The following TENM3 variants were observed in gnomAD, a reference collection of about 807,000 sequenced individuals.
TENM3 encodes the protein teneurin transmembrane protein 3, also known as teneurin-3.
A neutral mutation model predicts 255.1 loss-of-function variants in TENM3; 63 were observed. The observed-to-expected ratio is 0.25, with a 90% CI of 0.20 to 0.30. TENM3 has a LOEUF of 0.30. Among genes scored for constraint, TENM3 ranks in the 10% least tolerant of loss-of-function variants. TENM3 has a pLI of 1.00. For synonymous variants in TENM3, 1,306 were observed against 1,322.3 expected (o/e 0.99, Z 0.27); for missense variants, 2,929 against 3,461.1 (o/e 0.85, Z 3.86).
At chr4:182,693,965 C>A (rs1006464835) in intron 12 of TENM3, among the ~76,000 whole-genome samples, 1 of 152,096 alleles carries the variant, frequency 6.6e-6, no homozygotes, top group Admixed American at 6.5e-5. Context: ...AACTCCTGTC[C>A]AGGACATTTA....
At chr4:181,830,515 C>T in the TENM3 span, among the ~76,000 whole-genome samples, 1 of 152,056 alleles carries the variant, frequency 6.6e-6, no homozygotes, top group Non-Finnish European at 1.5e-5. Context: ...TCAGGCGATC[C>T]ACCCACTTCA....
chr4:181,962,511 A>G, the TENM3 span, among the ~76,000 whole-genome samples: 2 of 152,180 alleles, frequency 1.3e-5, no homozygotes, highest in East Asian at 3.9e-4. Flanking sequence ...TTCCCAGATG[A>G]GTGGATTAAG....
At chr4:182,491,442 C>T (rs10520532) in intron 3 of TENM3, among the ~76,000 whole-genome samples, 3,237 of 152,046 alleles carry the variant, frequency 0.021, 110 homozygotes, top group African/African-American at 0.073. Context: ...TACGATCAAA[C>T]TCACTAGCCA....
chr4:182,189,759 G>A (rs1228075743), intron 1 of TENM3, among the ~76,000 whole-genome samples: 1 of 152,088 alleles, frequency 6.6e-6, no homozygotes, highest in African/African-American at 2.4e-5. Flanking sequence ...GGGGTGGTGG[G>A]GGCCAGGCTG....
chr4:182,682,105 A>C, intron 11 of TENM3, 91 bp downstream of exon 11: 1 of 1,023,652 alleles, frequency 9.8e-7, no homozygotes. Context: ...TTTTAAACCT[A>C]ATACAAATTT....
At chr4:182,082,818 G>C in the TENM3 span, among the ~76,000 whole-genome samples, 1 of 152,136 alleles carries the variant, frequency 6.6e-6, no homozygotes, top group Non-Finnish European at 1.5e-5. Flanking sequence ...TATGTAGTAC[G>C]CAATCCACTT....
At chr4:181,780,508 T>C in the TENM3 span, among the ~76,000 whole-genome samples, 1 of 152,200 alleles carries the variant, frequency 6.6e-6, no homozygotes, top group Admixed American at 6.5e-5. Flanking sequence ...GTAAATTTGT[T>C]TGAGTTATTT....
At chr4:182,356,142 A>AC (rs397972513) in intron 3 of TENM3, among the ~76,000 whole-genome samples, 3 of 151,976 alleles carry the variant, frequency 2.0e-5, no homozygotes, top group African/African-American at 4.8e-5. Flanking sequence ...GGCAAAAAAA[A>AC]CCCAAAAGAT....
At chr4:182,380,263 C>T (rs555563185) in intron 3 of TENM3, among the ~76,000 whole-genome samples, 160 of 146,292 alleles carry the variant, frequency 1.1e-3, no homozygotes, top group Admixed American at 4.6e-3. Context: ...GAGAGTGAAA[C>T]TCCATCTCAA....
chr4:182,557,768 T>C (rs1255115969), intron 3 of TENM3, among the ~76,000 whole-genome samples: 1 of 152,166 alleles, frequency 6.6e-6, no homozygotes, highest in African/African-American at 2.4e-5. Context: ...CCAGCCCAGC[T>C]GAGATTCAGA....
At chr4:182,646,698 CGCCACT>C (rs1752778406) in intron 5 of TENM3, among the ~76,000 whole-genome samples, 2 of 152,074 alleles carry the variant, frequency 1.3e-5, no homozygotes, top group Admixed American at 1.3e-4. Flanking sequence ...GCCGGGATTG[CGCCACT>C]GCATTCCAGC....
At chr4:182,177,435 C>G (rs181186080) in intron 1 of TENM3, among the ~76,000 whole-genome samples, 1 of 152,162 alleles carries the variant, frequency 6.6e-6, no homozygotes, top group Admixed American at 6.5e-5. Context: ...TGGCTCTACC[C>G]GCTGCCCTTG....
At chr4:181,785,581 C>T in the TENM3 span, among the ~76,000 whole-genome samples, 1 of 152,102 alleles carries the variant, frequency 6.6e-6, no homozygotes, top group East Asian at 1.9e-4. Flanking sequence ...AAATCTGAAA[C>T]TTTCTGAGCA....
intron 1 of TENM3, among the ~76,000 whole-genome samples, chr4:182,249,027 T>C (rs541780629): frequency 1.3e-5 from 2 of 152,340 alleles, no homozygotes; most frequent in South Asian, 4.1e-4. Flanking sequence ...TTTTAACTTG[T>C]GAATTTTCAG....
chr4:182,313,676 A>C (rs557845273), intron 1 of TENM3, among the ~76,000 whole-genome samples: 50 of 151,062 alleles, frequency 3.3e-4, no homozygotes, highest in African/African-American at 1.2e-3. Flanking sequence ...TGAAAAAAAA[A>C]CAGCAAATAT....
intron 1 of TENM3, among the ~76,000 whole-genome samples, chr4:182,304,966 C>T (rs2150387002): frequency 6.6e-6 from 1 of 152,078 alleles, no homozygotes; most frequent in Non-Finnish European, 1.5e-5. Flanking sequence ...TTTTCTTCTT[C>T]TCCTCCTCTG....
chr4:181,739,482 C>G, the TENM3 span, among the ~76,000 whole-genome samples: 1 of 152,018 alleles, frequency 6.6e-6, no homozygotes. Flanking sequence ...CTTTTTGGTC[C>G]TTAGGTAGAA....
At chr4:181,726,390 C>T in the TENM3 span, among the ~76,000 whole-genome samples, 2 of 151,782 alleles carry the variant, frequency 1.3e-5, no homozygotes, top group African/African-American at 4.8e-5. Context: ...TTCACATATA[C>T]GCTTTATACT....
chr4:182,380,550 C>T (rs563241734), intron 3 of TENM3, among the ~76,000 whole-genome samples: 7 of 152,292 alleles, frequency 4.6e-5, no homozygotes, highest in South Asian at 4.1e-4. Flanking sequence ...TATATGTGCC[C>T]TGCTATATAT....
Sources: gnomAD v4.1 joint callset for allele counts (sites outside exome capture counted in the v4.1 genomes callset) on GRCh38, gnomAD v4.1.1 for gene constraint, MANE v1.5 for transcripts, NCBI Gene and HGNC (gene_info 2026-07-23, HGNC 2026-07-21) for gene names.